The following RXFP1 variants were observed in gnomAD, a reference collection of about 807,000 sequenced individuals.
The protein encoded by RXFP1 is relaxin family peptide receptor 1.
In RXFP1, 73 loss-of-function variants were observed where a neutral mutation model predicts 89.8. The ratio of observed to expected loss-of-function variants is 0.81; its 90% CI spans 0.67 to 0.99. RXFP1 has a LOEUF of 0.99. RXFP1 is among the 50% of genes least tolerant of loss of function. The pLI, the probability that RXFP1 is intolerant of heterozygous loss-of-function variation, is 0.00. For synonymous variants in RXFP1, 277 were observed against 305.5 expected (o/e 0.91, Z 0.97); for missense variants, 793 against 895.5 (o/e 0.89, Z 1.46).
At chr4:158,530,319 C>G (rs1454420833) in intron 1 of RXFP1, among the ~76,000 whole-genome samples, 1 of 152,204 alleles carries the variant, frequency 6.6e-6, no homozygotes, top group East Asian at 1.9e-4. Flanking sequence ...GTGCATCACG[C>G]ATTGGCTTCT....
chr4:158,561,794 A>C (rs1160385055), intron 1 of RXFP1, among the ~76,000 whole-genome samples: 1 of 151,678 alleles, frequency 6.6e-6, no homozygotes, highest in Non-Finnish European at 1.5e-5. Context: ...TGCTCGGCTA[A>C]TTTTTGTATT....
intron 11 of RXFP1, 59 bp from the exon 12 acceptor site, chr4:158,633,346 C>T: frequency 8.9e-7 from 1 of 1,120,450 alleles, no homozygotes; most frequent in East Asian, 2.4e-5. Flanking sequence ...TAATGAATTT[C>T]AGAACAATGA....
At chr4:158,641,321 C>T (rs1056696457) in intron 14 of RXFP1, among the ~76,000 whole-genome samples, 2 of 152,148 alleles carry the variant, frequency 1.3e-5, no homozygotes, top group Admixed American at 1.3e-4. Flanking sequence ...TAGTTGATCA[C>T]GTCTAGGGTA....
intron 4 of RXFP1, among the ~76,000 whole-genome samples, chr4:158,600,256 G>A (rs569754539): frequency 5.8e-4 from 89 of 152,240 alleles, no homozygotes; most frequent in African/African-American, 1.9e-3. Flanking sequence ...AAGTGTTACC[G>A]TTTTCAAACC....
intron 8 of RXFP1, among the ~76,000 whole-genome samples, chr4:158,615,307 C>T (rs555219349): frequency 4.0e-5 from 6 of 151,788 alleles, no homozygotes; most frequent in South Asian, 2.1e-4. Flanking sequence ...GATGCCAAGG[C>T]GGGCAGATCA....
intron 2 of RXFP1, among the ~76,000 whole-genome samples, chr4:158,582,155 A>C (rs533459795): frequency 9.9e-5 from 15 of 152,278 alleles, no homozygotes; most frequent in African/African-American, 3.6e-4. Flanking sequence ...ACATTTCAGC[A>C]TGGGGTTGGG....
chr4:158,550,536 G>T (rs956420284), intron 1 of RXFP1, among the ~76,000 whole-genome samples: 2 of 152,170 alleles, frequency 1.3e-5, no homozygotes, highest in African/African-American at 4.8e-5. Context: ...CCCATCTTCT[G>T]CATTGCTCAG....
chr4:158,640,658 G>A (rs572862299), intron 14 of RXFP1, among the ~76,000 whole-genome samples: 1 of 152,178 alleles, frequency 6.6e-6, no homozygotes, highest in South Asian at 2.1e-4. Context: ...CCTCCTACTG[G>A]GCCCCACCTC....
chr4:158,602,190 A>G (rs907423336), intron 4 of RXFP1, among the ~76,000 whole-genome samples: 4 of 152,356 alleles, frequency 2.6e-5, no homozygotes, highest in Middle Eastern at 3.4e-3. Context: ...ATATTGTGAA[A>G]TGTAGAGAAT....
In RXFP1 at chr4:158,522,009, A is replaced by C. The variant is rs1402299355; in HGVS notation, c.33A>C (p.Leu11Phe). The C allele has an allele frequency of 1.2e-5, 19 of 1,597,826 alleles. No homozygotes were observed. The highest frequency in any genetic ancestry group is 1.7e-4 in the Middle Eastern group (1 of 6,048). MTSGSVFFYI[L>F]IFGKYFSHGG... is the part of the protein sequence containing the mutation. ...CTGGTTCTGTCTTCTTCTACATCTTAATTTTTGGAAAATATTGTAAGTATG... is the reference window on the plus strand; with the variant it reads ...CTGGTTCTGTCTTCTTCTACATCTTCATTTTTGGAAAATATTGTAAGTATG... The change falls in exon 1 of 18, where the codon TTA becomes TTC. Residue 11 changes from leucine to phenylalanine, a missense_variant. Physicochemically the swap from Leu to Phe is conservative, Grantham distance 22. Transcript: ENST00000307765.
In RXFP1 at chr4:158,572,699, T is replaced by C. The variant is rs1420289934; in HGVS notation, c.51T>C (p.Phe17=). ...TGTGTCTTCTCCCCTTTTCCTCAGT[T>C]TCTCATGGGGGTGGACAGGATGTCA... is the stretch of plus-strand genomic sequence containing the variant. The part of the protein sequence containing the change: ...FFYILIFGKY[F]SHGGGQDVKC... The change falls in exon 2 of 18, where the codon TTT becomes TTC. Residue 17 remains phenylalanine, a splice_region_variant and synonymous_variant. Transcript: ENST00000307765. The C allele has an allele frequency of 1.2e-6, 2 of 1,614,026 alleles. No individual in the cohort carries two copies. Among genetic ancestry groups the C allele is most frequent in the Non-Finnish European group, 1.7e-6 (2 of 1,179,994 alleles).
chr4:158,596,388 C>T (rs1433268400), intron 3 of RXFP1, among the ~76,000 whole-genome samples: 2 of 151,742 alleles, frequency 1.3e-5, no homozygotes, highest in Non-Finnish European at 1.5e-5. Flanking sequence ...CTCAGCCTCC[C>T]GAGTTTGGAT....
intron 11 of RXFP1, among the ~76,000 whole-genome samples, chr4:158,631,812 G>T (rs560625600): frequency 6.6e-6 from 1 of 152,140 alleles, no homozygotes; most frequent in East Asian, 1.9e-4. Context: ...GTTCATTATG[G>T]CCAGGCGCAG....
intron 1 of RXFP1, among the ~76,000 whole-genome samples, chr4:158,533,715 A>C (rs1311362339): frequency 2.0e-5 from 3 of 152,084 alleles, no homozygotes. Context: ...CTTGGCTCAA[A>C]ATTCTGTACT....
intron 9 of RXFP1, among the ~76,000 whole-genome samples, chr4:158,619,505 T>C (rs1220011263): frequency 2.0e-5 from 3 of 152,180 alleles, no homozygotes; most frequent in Admixed American, 2.0e-4. Flanking sequence ...TAAGCTTAAG[T>C]GTGGGCTACT....
chr4:158,572,326 T>C (rs1755259350), intron 1 of RXFP1, among the ~76,000 whole-genome samples: 1 of 152,220 alleles, frequency 6.6e-6, no homozygotes, highest in Non-Finnish European at 1.5e-5. Flanking sequence ...CCAGCCTTGA[T>C]TCTGAGCCCA....
rs1168682624 is a variant in RXFP1, at chr4:158,653,186, T to G, written c.*1131T>G. 5 of 152,248 alleles carry G rather than the reference T, an allele frequency of 3.3e-5. No individual in the cohort carries two copies. Among genetic ancestry groups the G allele is most frequent in the Admixed American group, 3.3e-4 (5 of 15,290 alleles). 9.4% of individuals were successfully genotyped at this position (152,248 alleles called of 1,614,324 possible). A position where few individuals can be genotyped will look rare whatever the true frequency, so the allele number is the denominator to read the frequency against. ...TGTTCTTCTCTAGTCTCTACGTTAT[T>G]AGAATTTTTTGCTTTCATAATGTGA... is the stretch of plus-strand genomic sequence containing the variant. On this transcript the variant is annotated 3_prime_UTR_variant, in exon 18 of 18. Transcript: ENST00000307765.
chr4:158,538,891 T>A (rs1393602727), intron 1 of RXFP1, among the ~76,000 whole-genome samples: 2 of 151,486 alleles, frequency 1.3e-5, no homozygotes, highest in African/African-American at 2.4e-5. Context: ...AAAAGAAGGG[T>A]GCTTCCTTAC....
chr4:158,609,719 T>TC (rs1554014828), intron 6 of RXFP1, among the ~76,000 whole-genome samples: 1 of 152,190 alleles, frequency 6.6e-6, no homozygotes, highest in African/African-American at 2.4e-5. Context: ...CCATGTCCTC[T>TC]CCCCTTCTAC....
Sources: gnomAD v4.1 joint callset for allele counts (sites outside exome capture counted in the v4.1 genomes callset) on GRCh38, gnomAD v4.1.1 for gene constraint, MANE v1.5 for transcripts, NCBI Gene and HGNC (gene_info 2026-07-23, HGNC 2026-07-21) for gene names.